The following CPD variants were observed in gnomAD, a reference collection of about 807,000 sequenced individuals.
CPD encodes carboxypeptidase D, also known as metallocarboxypeptidase D.
CPD carries 69 observed loss-of-function variants against 138.3 expected under a neutral mutation model. The ratio of observed to expected loss-of-function variants is 0.50; its 90% CI spans 0.41 to 0.61. The LOEUF is 0.61. Ranked by LOEUF, CPD falls within the 20% of genes least tolerant of loss-of-function variation. The probability of loss-of-function intolerance (pLI) is 0.00; values close to 1 mark genes in which losing one functional copy is unlikely to be tolerated. For synonymous variants in CPD, 651 were observed against 642.1 expected, an observed-to-expected ratio of 1.01 and a Z score of -0.21; for missense variants, 1,432 against 1,733.3, an observed-to-expected ratio of 0.83 and a Z score of 3.09.
intron 2 of CPD, among the ~76,000 whole-genome samples, chr17:30,403,065 C>T (rs1280198458): frequency 2.0e-5 from 3 of 152,078 alleles, no homozygotes; most frequent in Admixed American, 2.0e-4. Context: ...GAGATAGTGC[C>T]ATTGCACTCC....
At chr17:30,458,700 A>G (rs1315744209) in intron 17 of CPD, among the ~76,000 whole-genome samples, 3 of 152,044 alleles carry the variant, frequency 2.0e-5, no homozygotes, top group African/African-American at 7.2e-5. Context: ...AACCCCATAT[A>G]CTAAAAATAC....
At position 30,417,297 on chromosome 17, in the gene CPD, G is replaced by A. The variant is rs570436136; in HGVS notation, c.995-3544G>A. On this transcript the variant is annotated intron_variant, in intron 2 of 20. Coordinates refer to ENST00000225719, the MANE Select transcript of CPD (RefSeq NM_001304.5). ...GTTTTGTTCATCACCATATCCCCAA[G>A]CACCTAGAATAGTGCCTGGCATATA... 2.8e-4 allele frequency among the ~76,000 whole-genome samples: 43 copies of A among 152,196 alleles called. No individual in the cohort carries two copies. The South Asian group carries it at 8.9e-3, about 32-fold the overall frequency.
At chr17:30,421,039 A>G in intron 3 of CPD, 56 bp downstream of exon 3, 1 of 1,506,034 alleles carries the variant, frequency 6.6e-7, no homozygotes. Flanking sequence ...ATAAGGGAGA[A>G]ATTTGGATGC....
chr17:30,459,224 TTTA>T (rs1467818844), intron 17 of CPD, among the ~76,000 whole-genome samples: 4 of 148,322 alleles, frequency 2.7e-5, no homozygotes, highest in African/African-American at 4.9e-5. Flanking sequence ...TTATTTATTA[TTTA>T]TTATTTATTT....
chr17:30,392,159 A>G (rs746927829), intron 2 of CPD, among the ~76,000 whole-genome samples: 3 of 151,794 alleles, frequency 2.0e-5, no homozygotes, highest in Non-Finnish European at 4.4e-5. Flanking sequence ...ACAAGCATGC[A>G]CCACTACGCC....
chr17:30,451,648 T>G (rs1913169272), intron 13 of CPD, 63 bp from the exon 14 acceptor site: 19 of 1,492,970 alleles, frequency 1.3e-5, no homozygotes, highest in South Asian at 4.9e-5. Flanking sequence ...GTTTGAGGCA[T>G]GAGAGGGTAC....
chr17:30,412,129 T>C (rs1169969241), intron 2 of CPD, among the ~76,000 whole-genome samples: 5 of 152,232 alleles, frequency 3.3e-5, no homozygotes, highest in African/African-American at 1.2e-4. Context: ...GCTGCAGGTC[T>C]GTTGGAGTTT....
rs1463833110 is a variant in CPD at position 30,455,468 on chromosome 17, C to T, written c.3335C>T (p.Thr1112Ile). 2.5e-6 allele frequency: 4 copies of T among 1,610,952 alleles called. No individual in the cohort carries two copies. In the Admixed American group the frequency reaches 6.8e-5, roughly 27 times the overall value. The change falls in exon 15 of 21, where the codon ACA (threonine) becomes ATA (isoleucine). Residue 1112 changes from threonine to isoleucine, a missense_variant and splice_region_variant. Thr to Ile is a moderately conservative substitution (Grantham distance 89, BLOSUM62 -1). Coordinates refer to ENST00000225719, the MANE Select transcript of CPD (RefSeq NM_001304.5). ...TATCCTTATGACAAGCCAGTACAGA[C>T]AGGTATGTAGAATGTCATTTTATAT... Reference protein sequence around the residue: ...VTYPYDKPVQTVENKETLKHL... With the variant: ...VTYPYDKPVQIVENKETLKHL...
At chr17:30,437,366 A>G (rs1215538636) in intron 8 of CPD, among the ~76,000 whole-genome samples, 1 of 152,080 alleles carries the variant, frequency 6.6e-6, no homozygotes, top group Admixed American at 6.6e-5. Context: ...GTATTCGTAT[A>G]TAAGTTAAAA....
chr17:30,455,674 T>G, intron 15 of CPD: 1 of 505,544 alleles, frequency 2.0e-6, no homozygotes, highest in Non-Finnish European at 3.4e-6. Context: ...CTTTATTGAG[T>G]CTAGCTATCT....
intron 2 of CPD, among the ~76,000 whole-genome samples, chr17:30,394,331 A>G (rs2143330164): frequency 6.6e-6 from 1 of 152,044 alleles, no homozygotes; most frequent in Admixed American, 6.5e-5. Flanking sequence ...CCAAATGTGA[A>G]CCTTCACATG....
At chr17:30,383,012 GA>G (rs1396609732) in intron 1 of CPD, among the ~76,000 whole-genome samples, 2 of 152,166 alleles carry the variant, frequency 1.3e-5, no homozygotes, top group African/African-American at 4.8e-5. Context: ...GTCAGTGGGG[GA>G]AAAATACTTA....
Position 30,379,493 on chromosome 17 carries a change from C to T in CPD, c.513C>T (p.Leu171=), listed in dbSNP as rs761482605. ...GGGACCCGCGCCTGGTCCGCCTGCT[C>T]AACACCACCGACGTGTACCTGCTGC... ...RRGDPRLVRL[L]NTTDVYLLPS... Residue 171 remains leucine (L), a synonymous_variant, in exon 1 of 21, where the codon CTC becomes CTT. Coordinates refer to ENST00000225719, the MANE Select transcript of CPD (RefSeq NM_001304.5). The surrounding 1 kb of genome is among the most constrained non-coding windows in gnomAD (Gnocchi z 7.0). The T allele has an allele frequency of 6.4e-7, 1 of 1,573,950 alleles. No homozygotes were observed. The highest frequency in any genetic ancestry group is 2.5e-5 in the East Asian group (1 of 40,486).
At chr17:30,446,135 G>T in intron 12 of CPD, 115 bp downstream of exon 12, 1 of 732,684 alleles carries the variant, frequency 1.4e-6, no homozygotes, top group Non-Finnish European at 2.2e-6. Flanking sequence ...TGTACAGAGA[G>T]TTGGAGTTTA....
chr17:30,396,395 A>AT (rs1911508443), intron 2 of CPD, among the ~76,000 whole-genome samples: 1 of 152,064 alleles, frequency 6.6e-6, no homozygotes, highest in South Asian at 2.1e-4. Context: ...AACAAAAAAA[A>AT]CTTGCTATGT....
intron 8 of CPD, among the ~76,000 whole-genome samples, chr17:30,433,001 C>T (rs1300614291): frequency 6.6e-6 from 1 of 152,152 alleles, no homozygotes; most frequent in African/African-American, 2.4e-5. Flanking sequence ...TTTGGTGTTA[C>T]TACTGACTTA....
chr17:30,448,923 G>A lies in CPD; in HGVS notation c.2874-630G>A, dbSNP rs553082674. 2.5e-3 allele frequency among the ~76,000 whole-genome samples: 375 copies of A among 152,124 alleles called. 1 individual carries two copies. The highest frequency in any genetic ancestry group is 8.6e-3 in the African/African-American group (358 of 41,512). ...GCTTGAAACCAGCCTCAGCAATATA[G>A]CAAGACCCTGTCTCTACAAAATTTT... On this transcript the variant is annotated intron_variant, in intron 12 of 20. Coordinates refer to ENST00000225719, the MANE Select transcript of CPD (RefSeq NM_001304.5).
chr17:30,451,903 A>T, intron 14 of CPD, 57 bp downstream of exon 14: 1 of 1,521,194 alleles, frequency 6.6e-7, no homozygotes, highest in Non-Finnish European at 9.0e-7. Flanking sequence ...TTTCTGCTAG[A>T]AGATTGATTG....
Position 30,442,392 on chromosome 17 carries a change from A to G in CPD, c.2315A>G (p.Lys772Arg). The G allele has an allele frequency of 6.2e-7, 1 of 1,613,546 alleles. No homozygotes were observed. The highest frequency in any genetic ancestry group is 8.5e-7 in the Non-Finnish European group (1 of 1,179,632). ...GGTTGTGTGAAATATCCACTTGAGAAAGAGCTGCCAAACTTTTGGGAACAG... is the reference window on the plus strand; with the variant it reads ...GGTTGTGTGAAATATCCACTTGAGAGAGAGCTGCCAAACTTTTGGGAACAG... ...ELGCVKYPLE[K>R]ELPNFWEQNR... Residue 772 changes from lysine to arginine, a missense_variant, in exon 10 of 21, where the codon AAA becomes AGA. Lys to Arg is a conservative substitution (Grantham distance 26). Transcript: ENST00000225719.
Sources: gnomAD v4.1 joint callset for allele counts (sites outside exome capture counted in the v4.1 genomes callset) on GRCh38, gnomAD v4.1.1 for gene constraint, Gnocchi (gnomAD v3.1) non-coding constraint, MANE v1.5 for transcripts, NCBI Gene and HGNC (gene_info 2026-07-23, HGNC 2026-07-21) for gene names.